CMYA5: variants seen among roughly 807,000 people sequenced by gnomAD.
CMYA5 encodes the protein cardiomyopathy-associated protein 5.
Under a neutral mutation model 318.9 loss-of-function variants are expected in CMYA5, and 246 were observed. The observed-to-expected ratio is 0.77, with a 90% confidence interval of 0.70 to 0.86. The LOEUF is 0.86. CMYA5 is among the 40% of genes least tolerant of loss of function. The probability of loss-of-function intolerance (pLI) is 0.00; values close to 1 mark genes in which losing one functional copy is unlikely to be tolerated. For synonymous variants in CMYA5, 1,641 were observed against 1,729.5 expected (o/e 0.95, Z 1.27); for missense variants, 4,589 against 4,678.2 (o/e 0.98, Z 0.56).
chr5:79,712,591 C>T (rs578081559), intron 1 of CMYA5, among the ~76,000 whole-genome samples: 38 of 152,150 alleles, frequency 2.5e-4, no homozygotes, highest in Admixed American at 3.3e-4. Flanking sequence ...GGACAAACCC[C>T]GATTCCATCT....
rs1240657925 is a variant in CMYA5 at position 79,737,702 on chromosome 5, T to A, written c.8937T>A (p.Tyr2979Ter). ...AACAAATGCAAGATAAATTAGAATA[T>A]TTGGAAGAGAAAGCCTCATTTAAAA... is the stretch of plus-strand genomic sequence containing the variant. ...ESEQMQDKLE[Y>*]LEEKASFKTI... Residue 2979 changes from tyrosine (Y) to a stop codon, truncating the protein, a stop_gained, in exon 2 of 13, where the codon TAT (tyrosine) becomes TAA (stop). Coordinates refer to ENST00000446378, the MANE Select transcript of CMYA5 (RefSeq NM_153610.5). LOFTEE classifies it high-confidence loss of function. 1 of 1,612,198 alleles carries A rather than the reference T, an allele frequency of 6.2e-7. No individual in the cohort carries two copies. The highest frequency in any genetic ancestry group is 1.7e-5 in the Admixed American group (1 of 59,686).
chr5:79,799,262 T>C, intron 12 of CMYA5, 108 bp from the exon 13 acceptor site: 1 of 1,129,088 alleles, frequency 8.9e-7, no homozygotes, highest in Middle Eastern at 2.7e-4. Context: ...AACTCCTTAT[T>C]GTGAAGTGGA....
At chr5:79,749,920 T>G (rs1828399273) in intron 5 of CMYA5, among the ~76,000 whole-genome samples, 1 of 152,172 alleles carries the variant, frequency 6.6e-6, no homozygotes, top group Admixed American at 6.6e-5. Flanking sequence ...GCTTAAAAAC[T>G]GTGTCACGCT....
chr5:79,776,213 AT>A (rs1001899480), intron 9 of CMYA5, among the ~76,000 whole-genome samples: 6 of 152,002 alleles, frequency 3.9e-5, no homozygotes, highest in Non-Finnish European at 8.8e-5. Flanking sequence ...CCCCCATGTT[AT>A]TTTCCACACT....
In CMYA5 at chr5:79,730,543, C is replaced by G. The variant is rs1281842128; in HGVS notation, c.1778C>G (p.Ala593Gly). 1 of 1,613,952 alleles carries G rather than the reference C, an allele frequency of 6.2e-7. No homozygotes were observed. Among genetic ancestry groups the G allele is most frequent in the Admixed American group, 1.7e-5 (1 of 60,008 alleles). Reference sequence around the variant, plus strand: ...ATTGCATCTGTTTCTACTGGTTCTGCTTTTGTATCAGAGTATTCAGTACCA... The same window carrying G: ...ATTGCATCTGTTTCTACTGGTTCTGGTTTTGTATCAGAGTATTCAGTACCA... The part of the protein sequence containing the change: ...EEIASVSTGS[A>G]FVSEYSVPQD... The change falls in exon 2 of 13, where the codon GCT becomes GGT. Residue 593 changes from alanine (A) to glycine (G), a missense_variant. Ala to Gly is a moderately conservative substitution (Grantham distance 60). This residue lies in a region of CMYA5 where 2,132 missense variants were observed against 2,131.3 expected (regional missense o/e 1.00). Coordinates refer to ENST00000446378, the MANE Select transcript of CMYA5 (RefSeq NM_153610.5).
chr5:79,717,912 G>A lies in CMYA5; in HGVS notation c.150-11003G>A, dbSNP rs541759872. ...TTTTTTTTTTTTTTTTTTTTGAGAC[G>A]GAGTCTCGCTCTGTCGCCCAGGCTG... On this transcript the variant is annotated intron_variant, in intron 1 of 12. Coordinates refer to ENST00000446378, the MANE Select transcript of CMYA5 (RefSeq NM_153610.5). Among the ~76,000 whole-genome samples the A allele has an allele frequency of 1.2e-4, 5 of 40,042 alleles. 2 individuals carry two copies. Among genetic ancestry groups the A allele is most frequent in the Admixed American group, 4.1e-4 (2 of 4,906 alleles). 26.3% of individuals were successfully genotyped at this position (40,042 alleles called of 152,430 possible).
chr5:79,698,582 C>T (rs1827117344), intron 1 of CMYA5, among the ~76,000 whole-genome samples: 1 of 152,176 alleles, frequency 6.6e-6, no homozygotes, highest in South Asian at 2.1e-4. Flanking sequence ...CTCTGGAATG[C>T]TTCTTTAAAT....
In CMYA5 at chr5:79,785,145, C is replaced by A. The variant is rs115311429; in HGVS notation, c.11556-3826C>A. On this transcript the variant is annotated intron_variant, in intron 9 of 12. Coordinates refer to ENST00000446378, the MANE Select transcript of CMYA5 (RefSeq NM_153610.5). The stretch of plus-strand genomic sequence containing the variant: ...CTATATGTTTGGGTCTATTCCTGAC[C>A]TTTATAATCTGTCTATTGATCCATC... Among the ~76,000 whole-genome samples the A allele has an allele frequency of 1.5e-3, 232 of 151,876 alleles. 1 individual carries two copies. The highest frequency in any genetic ancestry group is 5.4e-3 in the African/African-American group (223 of 41,416).
In CMYA5 at chr5:79,734,206, C is replaced by A; in HGVS notation, c.5441C>A (p.Pro1814His). ...QSITEPSKIA[P>H]SDLLVEQKKT... The stretch of plus-strand genomic sequence containing the variant: ...ATAACAGAACCATCAAAGATTGCTC[C>A]TTCTGACCTCCTTGTAGAACAAAAA... The change falls in exon 2 of 13, where the codon CCT becomes CAT. Residue 1814 changes from proline to histidine, a missense_variant. Physicochemically the swap from Pro to His is moderately conservative, Grantham distance 77. Transcript: ENST00000446378. 2 of 1,613,792 alleles carry A rather than the reference C, an allele frequency of 1.2e-6. No homozygotes were observed. Among genetic ancestry groups the A allele is most frequent in the Middle Eastern group, 3.3e-4 (2 of 6,062 alleles).
Position 79,733,313 on chromosome 5 carries a change from G to A in CMYA5, c.4548G>A (p.Leu1516=). 2 of 1,613,666 alleles carry A rather than the reference G, an allele frequency of 1.2e-6. No homozygotes were observed. The highest frequency in any genetic ancestry group is 1.3e-5 in the African/African-American group (1 of 75,036). Residue 1516 remains leucine, a synonymous_variant, in exon 2 of 13, where the codon TTG becomes TTA. Coordinates refer to ENST00000446378, the MANE Select transcript of CMYA5 (RefSeq NM_153610.5). ...TGGTTTCATCACAGAAGAAGAGCTT[G>A]ATGTCTACCTCAGAGGTGTTAGAGC... ...ERLVSSQKKS[L]MSTSEVLEPE... is the part of the protein sequence containing the mutation.
chr5:79,789,144 A>G, intron 10 of CMYA5, 40 bp downstream of exon 10: 1 of 1,609,314 alleles, frequency 6.2e-7, no homozygotes, highest in Non-Finnish European at 8.5e-7. Context: ...TTTCCAAGCT[A>G]TTTCTTCCCT....
chr5:79,748,455 A>G (rs972873199), intron 5 of CMYA5, among the ~76,000 whole-genome samples: 3 of 152,100 alleles, frequency 2.0e-5, no homozygotes, highest in Admixed American at 6.6e-5. Context: ...AGACACACCA[A>G]TCAGGTCTAG....
Position 79,718,022 on chromosome 5 carries a change from A to C in CMYA5, c.150-10893A>C, listed in dbSNP as rs796670438. On this transcript the variant is annotated intron_variant, in intron 1 of 12. Coordinates refer to ENST00000446378, the MANE Select transcript of CMYA5 (RefSeq NM_153610.5). Reference sequence around the variant, plus strand: ...TCCTGCCTCAGCCTCCCAAGTAGCTAGGACTACAGGCACCCGCCACTACGC... The same window carrying C: ...TCCTGCCTCAGCCTCCCAAGTAGCTCGGACTACAGGCACCCGCCACTACGC... Among the ~76,000 whole-genome samples the C allele has an allele frequency of 9.3e-4, 95 of 101,688 alleles. 31 individuals are homozygous for C. The highest frequency in any genetic ancestry group is 4.4e-3 in the African/African-American group (86 of 19,608). The allele number at this position is 101,688 out of a possible 152,430, so 66.7% of individuals were successfully genotyped here.
chr5:79,736,005 G>T lies in CMYA5; in HGVS notation c.7240G>T (p.Val2414Leu), dbSNP rs1169578583. 6.2e-7 allele frequency: 1 copy of T among 1,613,050 alleles called. No individual in the cohort carries two copies. Among genetic ancestry groups the T allele is most frequent in the Non-Finnish European group, 8.5e-7 (1 of 1,179,656 alleles). Reference sequence around the variant, plus strand: ...GAAACCAGAGTCAATTATTTTGCCAGTAGAAGAATCAAAAGGCAGTTTAAT... The same window carrying T: ...GAAACCAGAGTCAATTATTTTGCCATTAGAAGAATCAAAAGGCAGTTTAAT... ...SEKPESIILP[V>L]EESKGSLIDF... Residue 2414 changes from valine to leucine, a missense_variant, in exon 2 of 13, where the codon GTA becomes TTA. Transcript: ENST00000446378.
intron 9 of CMYA5, among the ~76,000 whole-genome samples, chr5:79,770,141 A>G (rs259113): frequency 0.2 from 29,909 of 151,888 alleles, 3,049 homozygotes; most frequent in East Asian, 0.31. Flanking sequence ...GTAATGGCGG[A>G]CGCCCCTCCC....
In CMYA5 at chr5:79,763,089, A is replaced by G. The variant is rs1265920459; in HGVS notation, c.11435A>G (p.Glu3812Gly). 6.2e-7 allele frequency: 1 copy of G among 1,613,862 alleles called. No individual in the cohort carries two copies. Among genetic ancestry groups the G allele is most frequent in the Non-Finnish European group, 8.5e-7 (1 of 1,179,842 alleles). Residue 3812 changes from glutamate (E) to glycine (G), a missense_variant, in exon 9 of 13, where the codon GAG becomes GGG. Around this residue, in one of 3 missense-constraint regions of CMYA5, gnomAD observed 2,431 missense variants for 2,495.1 expected, o/e 0.97. Transcript: ENST00000446378. ...TAPSTPVIRA[E>G]DCTVCWNTAT... ...CCCTCCACCCCTGTGATCCGCGCTG[A>G]GGACTGTACTGTGTGTTGGAACACA...
chr5:79,696,437 A>G (rs1827067628), intron 1 of CMYA5, among the ~76,000 whole-genome samples: 1 of 152,228 alleles, frequency 6.6e-6, no homozygotes, highest in Non-Finnish European at 1.5e-5. Flanking sequence ...AGATTAATTG[A>G]TGCTACTGTT....
chr5:79,775,715 A>T (rs1828927105), intron 9 of CMYA5, among the ~76,000 whole-genome samples: 1 of 152,224 alleles, frequency 6.6e-6, no homozygotes, highest in African/African-American at 2.4e-5. Flanking sequence ...CTTTAAGAGC[A>T]GTTTTACAAA....
intron 1 of CMYA5, among the ~76,000 whole-genome samples, chr5:79,695,267 A>G (rs2151074063): frequency 6.6e-6 from 1 of 152,372 alleles, no homozygotes; most frequent in East Asian, 1.9e-4. Flanking sequence ...ATTATCCTAT[A>G]GAAATATAAG....
Sources: allele counts gnomAD v4.1 joint callset (sites outside exome capture counted in the v4.1 genomes callset), GRCh38; gene constraint gnomAD v4.1.1; regional missense constraint gnomAD v4.1.1; transcripts MANE v1.5; gene names NCBI Gene and HGNC (gene_info 2026-07-23, HGNC 2026-07-21).